UNC5C: variants seen among roughly 807,000 people sequenced by gnomAD.
UNC5C encodes the protein unc-5 netrin receptor C.
UNC5C carries 47 observed loss-of-function variants against 99.8 expected under a neutral mutation model. The observed-to-expected ratio is 0.47, with a 90% confidence interval of 0.37 to 0.60. The LOEUF is 0.60. Ranked by LOEUF, UNC5C falls within the 20% of genes least tolerant of loss-of-function variation. The pLI is 0.00. For missense variants in UNC5C, 1,062 were observed against 1,165.9 expected (o/e 0.91, Z 1.30); for synonymous variants, 487 against 452.2 (o/e 1.08, Z -0.98).
chr4:95,253,002 A>C (rs1739802256), intron 4 of UNC5C, among the ~76,000 whole-genome samples: 1 of 152,200 alleles, frequency 6.6e-6, no homozygotes, highest in Admixed American at 6.5e-5. Flanking sequence ...CTTGGGTCCC[A>C]TTCCCAACAT....
At chr4:95,258,717 T>C (rs1289687335) in intron 4 of UNC5C, among the ~76,000 whole-genome samples, 3 of 149,884 alleles carry the variant, frequency 2.0e-5, no homozygotes, top group Non-Finnish European at 4.4e-5. Flanking sequence ...GTGTTATTAG[T>C]CCCACTATGT....
intron 4 of UNC5C, among the ~76,000 whole-genome samples, chr4:95,277,372 GT>G (rs1049696004): frequency 9.3e-4 from 142 of 152,328 alleles, no homozygotes; most frequent in African/African-American, 3.3e-3. Flanking sequence ...TCAAATTAAT[GT>G]GTGCTTGGAC....
intron 1 of UNC5C, among the ~76,000 whole-genome samples, chr4:95,449,677 A>G (rs1253879018): frequency 6.6e-6 from 1 of 152,228 alleles, no homozygotes; most frequent in Non-Finnish European, 1.5e-5. Context: ...GAAATTCTGC[A>G]ACGTTTCAAA....
intron 2 of UNC5C, among the ~76,000 whole-genome samples, chr4:95,315,995 C>T (rs1284968664): frequency 2.6e-5 from 4 of 152,084 alleles, no homozygotes; most frequent in Non-Finnish European, 5.9e-5. Context: ...TTTGGTAACA[C>T]TTCTGTCAGA....
chr4:95,471,625 G>C (rs1195180678), intron 1 of UNC5C, among the ~76,000 whole-genome samples: 1 of 152,106 alleles, frequency 6.6e-6, no homozygotes, highest in Non-Finnish European at 1.5e-5. Context: ...TATTGGAAGA[G>C]TAATTTTTTT....
intron 12 of UNC5C, among the ~76,000 whole-genome samples, chr4:95,188,178 GCT>G (rs1031682746): frequency 2.6e-5 from 4 of 152,120 alleles, no homozygotes; most frequent in Admixed American, 2.6e-4. Context: ...ATTGGAGACT[GCT>G]GGCTCAGACA....
Position 95,164,893 on chromosome 4 carries a change from T to G in UNC5C, c.*4341A>C, listed in dbSNP as rs1408998115. The G allele has an allele frequency of 2.0e-5, 3 of 152,264 alleles. No individual in the cohort carries two copies. The highest frequency in any genetic ancestry group is 6.5e-5 in the Admixed American group (1 of 15,286). 9.4% of individuals were successfully genotyped at this position (152,264 alleles called of 1,614,324 possible). Reference sequence around the variant, plus strand: ...TAAACCTTTTCTACCTTCTTTATGCTCTCTTGCAAGTCCTTATATAGGTTT... The same window carrying G: ...TAAACCTTTTCTACCTTCTTTATGCGCTCTTGCAAGTCCTTATATAGGTTT... On this transcript the variant is annotated 3_prime_UTR_variant, in exon 16 of 16. Transcript: ENST00000453304.
chr4:95,340,283 A>T (rs1344309492), intron 1 of UNC5C, among the ~76,000 whole-genome samples: 1 of 152,158 alleles, frequency 6.6e-6, no homozygotes, highest in East Asian at 1.9e-4. Context: ...TGCTTATATC[A>T]TAAAATATAG....
intron 2 of UNC5C, among the ~76,000 whole-genome samples, chr4:95,321,713 G>A (rs1024586172): frequency 2.0e-5 from 3 of 152,106 alleles, no homozygotes; most frequent in Non-Finnish European, 4.4e-5. Flanking sequence ...TCTATTTATT[G>A]CACAGATATG....
rs79010235 is a variant in UNC5C at position 95,439,609 on chromosome 4, G to A, written c.125-103978C>T. On this transcript the variant is annotated intron_variant, in intron 1 of 15. Coordinates refer to ENST00000453304, the MANE Select transcript of UNC5C (RefSeq NM_003728.4). ...AATGTGATAAGTTGAATATGTAATT[G>A]AAACTTTTTTGATTGTATAAAAAGC... Among the ~76,000 whole-genome samples, 324 of 152,176 alleles carry A rather than the reference G, an allele frequency of 2.1e-3. 3 individuals are homozygous for A. The East Asian group carries it at 0.031, about 15-fold the overall frequency.
intron 1 of UNC5C, among the ~76,000 whole-genome samples, chr4:95,414,307 G>T (rs1746095202): frequency 2.0e-5 from 3 of 151,948 alleles, no homozygotes; most frequent in Admixed American, 1.3e-4. Context: ...TACTGACGAA[G>T]AAATTAAGCA....
chr4:95,190,474 GAACTT>G (rs1287415364), intron 12 of UNC5C, among the ~76,000 whole-genome samples: 13 of 152,032 alleles, frequency 8.6e-5, no homozygotes, highest in African/African-American at 2.4e-4. Context: ...ATGTACCCGA[GAACTT>G]AAAGTAGAAT....
chr4:95,366,569 A>T (rs916101435), intron 1 of UNC5C, among the ~76,000 whole-genome samples: 1 of 152,156 alleles, frequency 6.6e-6, no homozygotes, highest in Non-Finnish European at 1.5e-5. Context: ...TCAAATACTA[A>T]CCTAGTCATG....
chr4:95,492,739 A>C (rs2149481858), intron 1 of UNC5C, among the ~76,000 whole-genome samples: 1 of 151,650 alleles, frequency 6.6e-6, no homozygotes, highest in South Asian at 2.1e-4. Flanking sequence ...CTCTGAGAGA[A>C]ATCCATTATC....
At chr4:95,441,428 G>A (rs902295764) in intron 1 of UNC5C, among the ~76,000 whole-genome samples, 10 of 152,102 alleles carry the variant, frequency 6.6e-5, no homozygotes, top group Admixed American at 5.2e-4. Context: ...AATAACGAAG[G>A]AGGACTCTGT....
At chr4:95,322,138 T>A (rs1463369714) in intron 2 of UNC5C, among the ~76,000 whole-genome samples, 1 of 152,232 alleles carries the variant, frequency 6.6e-6, no homozygotes, top group African/African-American at 2.4e-5. Flanking sequence ...ATTTTATGCA[T>A]CATTTACTAA....
chr4:95,488,990 TA>T (rs1658908668), intron 1 of UNC5C, among the ~76,000 whole-genome samples: 1 of 151,192 alleles, frequency 6.6e-6, no homozygotes, highest in African/African-American at 2.4e-5. Context: ...TAAATTGTGT[TA>T]TGCACCAAGG....
chr4:95,532,929 A>G (rs1722689429), intron 1 of UNC5C, among the ~76,000 whole-genome samples: 1 of 150,100 alleles, frequency 6.7e-6, no homozygotes. Context: ...AAAAGGTTTT[A>G]AGAAAAAAAG....
At chr4:95,173,794 T>G (rs1736223423) in intron 14 of UNC5C, among the ~76,000 whole-genome samples, 1 of 152,212 alleles carries the variant, frequency 6.6e-6, no homozygotes, top group African/African-American at 2.4e-5. Flanking sequence ...TTCTATTGAT[T>G]GGAATAGTTT....
Sources: gnomAD v4.1 joint callset for allele counts (sites outside exome capture counted in the v4.1 genomes callset) on GRCh38, gnomAD v4.1.1 for gene constraint, MANE v1.5 for transcripts, NCBI Gene and HGNC (gene_info 2026-07-23, HGNC 2026-07-21) for gene names.